Variants in ACBD5 observed in about 807,000 individuals in gnomAD.
ACBD5 encodes the protein acyl-CoA binding domain containing 5, also known as acyl-CoA-binding domain-containing protein 5.
In ACBD5, 40 loss-of-function variants were observed where a neutral mutation model predicts 71.8. That is an observed-to-expected ratio of 0.56 (90% CI 0.43 to 0.72). The LOEUF is 0.72. Ranked by LOEUF, ACBD5 falls within the 30% of genes least tolerant of loss-of-function variation. The pLI is 0.00. For missense variants in ACBD5, 559 were observed against 644.5 expected (o/e 0.87, Z 1.44); for synonymous variants, 229 against 218.6 (o/e 1.05, Z -0.42).
At chr10:27,214,843 T>C (rs189496200) in intron 8 of ACBD5, among the ~76,000 whole-genome samples, 267 of 152,230 alleles carry the variant, frequency 1.8e-3, no homozygotes, top group Non-Finnish European at 3.0e-3. Flanking sequence ...GCCAAGAGTT[T>C]GAGACCAGCC....
At chr10:27,228,809 ATATATAT>A (rs1222063480) in intron 4 of ACBD5, among the ~76,000 whole-genome samples, 18 of 14,828 alleles carry the variant, frequency 1.2e-3, no homozygotes, top group Admixed American at 1.7e-3. Flanking sequence ...ATATATATAT[ATATATAT>A]TTTTTTTTTT....
chr10:27,195,182 T>G, downstream of ACBD5: 1 of 354,046 alleles, frequency 2.8e-6, no homozygotes, highest in South Asian at 2.3e-5. Flanking sequence ...ACCTAATCAA[T>G]GGGCTAATAG....
rs7085266 is a variant in ACBD5, at chr10:27,218,351, C to T, written c.626-168G>A. On this transcript the variant is annotated intron_variant, in intron 6 of 12. Coordinates refer to ENST00000396271, the MANE Select transcript of ACBD5 (RefSeq NM_145698.5). ...GCTCCTTGAAATGGGGTTTACTATA[C>T]GCTGAGAGCTCACCCAAACTATGTT... Among the ~76,000 whole-genome samples, 10,617 of 152,202 alleles carry T rather than the reference C, an allele frequency of 0.07. 694 individuals carry two copies. The highest frequency in any genetic ancestry group is 0.17 in the African/African-American group (7,092 of 41,494).
At chr10:27,221,494 CTCT>C (rs2062327482) in intron 5 of ACBD5, among the ~76,000 whole-genome samples, 2 of 152,140 alleles carry the variant, frequency 1.3e-5, no homozygotes. Context: ...CTATTATTTA[CTCT>C]TCTTTGTTTT....
intron 4 of ACBD5, among the ~76,000 whole-genome samples, chr10:27,224,806 G>C (rs2062801106): frequency 6.6e-6 from 1 of 152,154 alleles, no homozygotes. Context: ...TGAGGCAGGA[G>C]GATCACCTGA....
Position 27,197,455 on chromosome 10 carries a change from A to T in ACBD5, c.1566-13T>A. 1 of 1,595,102 alleles carries T rather than the reference A, an allele frequency of 6.3e-7. No individual in the cohort carries two copies. The highest frequency in any genetic ancestry group is 8.6e-7 in the Non-Finnish European group (1 of 1,166,318). On this transcript the variant is annotated splice_polypyrimidine_tract_variant and intron_variant, in intron 12 of 12. Coordinates refer to ENST00000396271, the MANE Select transcript of ACBD5 (RefSeq NM_145698.5). The stretch of plus-strand genomic sequence containing the variant: ...TCAGTTCAGTTTTCTTTAAAAAGAA[A>T]ATAAAAACCAATTTCCTGTGAGTAT...
intron 11 of ACBD5, 50 bp downstream of exon 11, chr10:27,205,148 C>G (rs757540517): frequency 6.4e-7 from 1 of 1,569,782 alleles, no homozygotes; most frequent in East Asian, 2.3e-5. Context: ...AAAACAACAA[C>G]AAAAAACATA....
intron 11 of ACBD5, 88 bp downstream of exon 11, chr10:27,205,110 G>A (rs2060343177): frequency 4.5e-6 from 6 of 1,321,844 alleles, no homozygotes; most frequent in Non-Finnish European, 6.4e-6. Context: ...CTGGGCAACA[G>A]AGCGAGACTC....
chr10:27,241,920 T>C (rs2065545363), upstream of ACBD5: 2 of 398,398 alleles, frequency 5.0e-6, no homozygotes, highest in Non-Finnish European at 5.2e-6. Context: ...TGGAGTCCTG[T>C]AGCCCGGAAA....
intron 6 of ACBD5, among the ~76,000 whole-genome samples, chr10:27,219,508 A>G (rs570217166): frequency 1.3e-5 from 2 of 152,228 alleles, no homozygotes; most frequent in Non-Finnish European, 2.9e-5. Flanking sequence ...ATTCTTGTCA[A>G]CCTTCAATTA....
chr10:27,241,618 G>T (rs1346480049), upstream of ACBD5, among the ~76,000 whole-genome samples: 7 of 152,118 alleles, frequency 4.6e-5, no homozygotes, highest in Admixed American at 1.3e-4. Flanking sequence ...CTGTAATCTC[G>T]ATACTTTGAG....
chr10:27,211,700 A>G (rs2061097994), intron 8 of ACBD5, among the ~76,000 whole-genome samples: 1 of 151,680 alleles, frequency 6.6e-6, no homozygotes, highest in Admixed American at 6.6e-5. Context: ...TACTACCTAA[A>G]TTTTTTTTTA....
intron 2 of ACBD5, among the ~76,000 whole-genome samples, chr10:27,239,382 G>A (rs1244358219): frequency 6.6e-6 from 1 of 152,122 alleles, no homozygotes; most frequent in Non-Finnish European, 1.5e-5. Context: ...ATCGTGAACA[G>A]GGTTAATATG....
At chr10:27,217,369 T>C (rs1253847342) in intron 7 of ACBD5, among the ~76,000 whole-genome samples, 1 of 149,776 alleles carries the variant, frequency 6.7e-6, no homozygotes, top group Non-Finnish European at 1.5e-5. Context: ...GGCAGGAGAA[T>C]TGTTTGAACC....
chr10:27,211,034 C>T lies in ACBD5; in HGVS notation c.984G>A (p.Leu328=), dbSNP rs770205104. The T allele has an allele frequency of 2.5e-6, 4 of 1,614,070 alleles. No homozygotes were observed. The South Asian group carries it at 4.4e-5, about 18-fold the overall frequency. Residue 328 remains leucine (L), a synonymous_variant, in exon 9 of 13, where the codon TTG becomes TTA. Transcript: ENST00000396271. The stretch of plus-strand genomic sequence containing the variant: ...CCATGGGTTGACTGGAATGACCACC[C>T]AAGTAATACTGAAATGGTCCATTGT... ...TSNNGPFQYY[L]GGHSSQPMEN... is the part of the protein sequence containing the mutation.
upstream of ACBD5, chr10:27,240,856 C>T (rs1426956658): frequency 2.0e-6 from 2 of 1,012,274 alleles, no homozygotes; most frequent in South Asian, 2.9e-5. The surrounding 1 kb of genome is among the most constrained non-coding windows in gnomAD (Gnocchi z 4.1). Context: ...CCACTGGCGC[C>T]GCCGCCGCCG....
Position 27,195,984 on chromosome 10 carries a change from C to T in ACBD5, c.*1446G>A, listed in dbSNP as rs1326714257. 4.7e-6 allele frequency: 2 copies of T among 427,982 alleles called. No homozygotes were observed. Among genetic ancestry groups the T allele is most frequent in the Admixed American group, 2.7e-5 (1 of 36,748 alleles). The allele number at this position is 427,982 out of a possible 1,614,324, so 26.5% of individuals were successfully genotyped here. A position where few individuals can be genotyped will look rare whatever the true frequency, so the allele number is the denominator to read the frequency against. On this transcript the variant is annotated 3_prime_UTR_variant, in exon 13 of 13. Coordinates refer to ENST00000396271, the MANE Select transcript of ACBD5 (RefSeq NM_145698.5). ...TTGGGAGGCCGAGGCAGGCAGATCA[C>T]CTGAGGTTGGGAGTTTGAGATCAGC...
At position 27,240,571 on chromosome 10, in the gene ACBD5, C is replaced by G. The variant is rs1589438839; in HGVS notation, c.16-87G>C. ...GCGGGTCAGTTCCCCTTTGCCCTGC[C>G]CTATCCAGGCCACACAGATCGAAGC... On this transcript the variant is annotated intron_variant, in intron 1 of 12. Transcript: ENST00000396271. The surrounding 1 kb of genome is among the most constrained non-coding windows in gnomAD (Gnocchi z 4.1). 6.4e-7 allele frequency: 1 copy of G among 1,551,174 alleles called. No individual in the cohort carries two copies. Among genetic ancestry groups the G allele is most frequent in the African/African-American group, 1.4e-5 (1 of 73,042 alleles).
At position 27,196,280 on chromosome 10, in the gene ACBD5, T is replaced by C. The variant is rs765909008; in HGVS notation, c.*1150A>G. The C allele has an allele frequency of 2.4e-5, 11 of 454,090 alleles. No homozygotes were observed. Among genetic ancestry groups the C allele is most frequent in the South Asian group, 1.7e-4 (11 of 64,472 alleles). The allele number at this position is 454,090 out of a possible 1,614,324, so 28.1% of individuals were successfully genotyped here. A position where few individuals can be genotyped will look rare whatever the true frequency, so the allele number is the denominator to read the frequency against. On this transcript the variant is annotated 3_prime_UTR_variant, in exon 13 of 13. Transcript: ENST00000396271. Reference sequence around the variant, plus strand: ...GGTACATCTAAGTGAGCAGGAAGTTTTGGAAGGCATACAGGAAAAGTCTCC... The same window carrying C: ...GGTACATCTAAGTGAGCAGGAAGTTCTGGAAGGCATACAGGAAAAGTCTCC...
Sources: allele counts gnomAD v4.1 joint callset (sites outside exome capture counted in the v4.1 genomes callset), GRCh38; gene constraint gnomAD v4.1.1; non-coding constraint Gnocchi (gnomAD v3.1); transcripts MANE v1.5; gene names NCBI Gene and HGNC (gene_info 2026-07-23, HGNC 2026-07-21).